Variants in SIGLEC9 observed in about 807,000 individuals in gnomAD.
SIGLEC9 encodes the protein sialic acid binding Ig like lectin 9.
In SIGLEC9, 26 loss-of-function variants were observed where a neutral mutation model predicts 38.3. The ratio of observed to expected loss-of-function variants is 0.68; its 90% CI spans 0.50 to 0.94. The LOEUF is 0.94. Among genes scored for constraint, SIGLEC9 ranks in the 40% least tolerant of loss-of-function variants. The probability of loss-of-function intolerance (pLI) is 0.00; values close to 1 mark genes in which losing one functional copy is unlikely to be tolerated. For missense variants in SIGLEC9, 556 were observed against 585.7 expected, an observed-to-expected ratio of 0.95 and a Z score of 0.52; for synonymous variants, 236 against 248.0, an observed-to-expected ratio of 0.95 and a Z score of 0.45.
chr19:51,129,882 A>G lies in SIGLEC9; in HGVS notation c.1204-9A>G. The G allele has an allele frequency of 6.4e-7, 1 of 1,561,844 alleles. No individual in the cohort carries two copies. The highest frequency in any genetic ancestry group is 8.7e-7 in the Non-Finnish European group (1 of 1,154,662). ...CTGCTCTGACTCACTTCTCTCTCCCATGTCTCAGGGGCCCCTGACTGAACC... is the reference window on the plus strand; with the variant it reads ...CTGCTCTGACTCACTTCTCTCTCCCGTGTCTCAGGGGCCCCTGACTGAACC... On this transcript the variant is annotated splice_polypyrimidine_tract_variant and intron_variant, in intron 6 of 6. Transcript: ENST00000250360.
In SIGLEC9 at chr19:51,126,119, G is replaced by A. The variant is rs911485337; in HGVS notation, c.739G>A (p.Asp247Asn). The A allele has an allele frequency of 6.2e-7, 1 of 1,613,904 alleles. No individual in the cohort carries two copies. The highest frequency in any genetic ancestry group is 1.3e-5 in the African/African-American group (1 of 74,892). ...QNLTMTVFQG[D>N]GTVSTVLGNG... ...CTTGACCATGACTGTCTTCCAAGGA[G>A]ACGGCACAGGTAGGATGGAGCTCCC... Residue 247 changes from aspartate to asparagine, a missense_variant, in exon 3 of 7, where the codon GAC becomes AAC. By Grantham distance (23) the Asp-to-Asn change is conservative. Coordinates refer to ENST00000250360, the MANE Select transcript of SIGLEC9 (RefSeq NM_014441.3).
At chr19:51,127,393 G>T in intron 4 of SIGLEC9, 97 bp downstream of exon 4, 12 of 1,301,934 alleles carry the variant, frequency 9.2e-6, no homozygotes, top group Non-Finnish European at 1.3e-5. Flanking sequence ...GAGGAGCTCC[G>T]CTCTGGTCTG....
At chr19:51,133,460 A>C (rs897600565), downstream of SIGLEC9, among the ~76,000 whole-genome samples, 38 of 151,858 alleles carry the variant, frequency 2.5e-4, 4 homozygotes, top group South Asian at 3.5e-3. Context: ...GTGGCAGGCA[A>C]CTGTAATCCC....
At chr19:51,133,418 CA>C (rs57292401), downstream of SIGLEC9, among the ~76,000 whole-genome samples, 47,898 of 132,002 alleles carry the variant, frequency 0.36, 8,484 homozygotes, top group Admixed American at 0.45. Flanking sequence ...ACCAAAAATA[CA>C]AAAAAAAAAA....
rs1250216430 is a variant in SIGLEC9, at chr19:51,126,133, G to A, written c.748+5G>A. On this transcript the variant is annotated splice_donor_5th_base_variant and intron_variant, in intron 3 of 6. Coordinates refer to ENST00000250360, the MANE Select transcript of SIGLEC9 (RefSeq NM_014441.3). ...TCTTCCAAGGAGACGGCACAGGTAG[G>A]ATGGAGCTCCCTCCCTGGGGCTGGA... 1.9e-6 allele frequency: 3 copies of A among 1,613,800 alleles called. No homozygotes were observed. In the East Asian group the frequency reaches 6.7e-5, roughly 36 times the overall value.
rs912460959 is a variant in SIGLEC9, at chr19:51,127,134, C to G, written c.853C>G (p.Leu285Val). The change falls in exon 4 of 7, where the codon CTG (leucine) becomes GTG (valine). Residue 285 changes from leucine to valine, a missense_variant. Leu to Val is a conservative substitution (Grantham distance 32). Coordinates refer to ENST00000250360, the MANE Select transcript of SIGLEC9 (RefSeq NM_014441.3). ...DAVDSNPPAR[L>V]SLSWRGLTLC... The stretch of plus-strand genomic sequence containing the variant: ...AGTTGACAGCAATCCCCCTGCCAGG[C>G]TGAGCCTGAGCTGGAGAGGCCTGAC... 3 of 1,614,088 alleles carry G rather than the reference C, an allele frequency of 1.9e-6. No individual in the cohort carries two copies. In the African/African-American group the frequency reaches 4.0e-5, roughly 22 times the overall value.
Position 51,128,013 on chromosome 19 carries a change from C to T in SIGLEC9, c.1080C>T (p.Phe360=). 5 of 1,613,980 alleles carry T rather than the reference C, an allele frequency of 3.1e-6. No homozygotes were observed. Among genetic ancestry groups the T allele is most frequent in the African/African-American group, 1.3e-5 (1 of 75,030 alleles). Residue 360 remains phenylalanine (F), a synonymous_variant, in exon 5 of 7, where the codon TTC becomes TTT. Coordinates refer to ENST00000250360, the MANE Select transcript of SIGLEC9 (RefSeq NM_014441.3). Reference sequence around the variant, plus strand: ...GAGCTGGAGCCACAGCCCTGGTCTTCCTGTCCTTCTGCGTCATCTTCGTTG... The same window carrying T: ...GAGCTGGAGCCACAGCCCTGGTCTTTCTGTCCTTCTGCGTCATCTTCGTTG... ...VGGAGATALV[F]LSFCVIFVVV...
rs1414657742 is a variant in SIGLEC9, at chr19:51,125,769, C to T, written c.594C>T (p.Leu198=). 3.7e-6 allele frequency: 6 copies of T among 1,614,088 alleles called. No individual in the cohort carries two copies. The South Asian group carries it at 5.5e-5, about 15-fold the overall frequency. The change falls in exon 2 of 7, where the codon CTC becomes CTT. Residue 198 remains leucine, a synonymous_variant. Coordinates refer to ENST00000250360, the MANE Select transcript of SIGLEC9 (RefSeq NM_014441.3). ...CCTCCACCACCCGCTCCTCGGTGCT[C>T]ACCCTCATCCCACAGCCCCAGGACC... The part of the protein sequence containing the change: ...LDPSTTRSSV[L]TLIPQPQDHG...
At chr19:51,128,699 C>G (rs574899702) in intron 6 of SIGLEC9, 189 bp downstream of exon 6, 1 of 553,666 alleles carries the variant, frequency 1.8e-6, no homozygotes, top group East Asian at 3.2e-5. Context: ...TCTCTGCTCC[C>G]TATCCTGACC....
upstream of SIGLEC9, among the ~76,000 whole-genome samples, chr19:51,121,162 G>A (rs192758094): frequency 0.038 from 5,761 of 150,376 alleles, 358 homozygotes; most frequent in African/African-American, 0.13. Flanking sequence ...GAGTTTTTTT[G>A]TTTTTTGTTT....
intron 4 of SIGLEC9, among the ~76,000 whole-genome samples, 196 bp from the exon 5 acceptor site, chr19:51,127,753 C>T (rs2091988206): frequency 6.6e-6 from 1 of 152,016 alleles, no homozygotes; most frequent in Non-Finnish European, 1.5e-5. Flanking sequence ...AAAAAAACCC[C>T]AAAAGGAATG....
rs187735672 is a variant in SIGLEC9, at chr19:51,136,061, T to C, written c.1303T>C (p.Tyr435His). The C allele has an allele frequency of 2.0e-5, 14 of 703,896 alleles. No individual in the cohort carries two copies. The African/African-American group carries it at 2.3e-4, about 11-fold the overall frequency. 43.6% of individuals were successfully genotyped at this position (703,896 alleles called of 1,614,324 possible). Residue 435 changes from tyrosine (Y) to histidine (H), a missense_variant, in exon 7 of 7, where the codon TAT becomes CAT. Physicochemically the swap from Tyr to His is moderately conservative, Grantham distance 83 (BLOSUM62 2). Coordinates refer to the SIGLEC9 transcript ENST00000440804. ...TTGTTGCCATCCAGATTCTGAATTC[T>C]ATGTCTATCATTTCAGTCATTTCAG... is the stretch of plus-strand genomic sequence containing the variant.
At chr19:51,135,016 G>T (rs544097431), downstream of SIGLEC9, among the ~76,000 whole-genome samples, 3 of 152,280 alleles carry the variant, frequency 2.0e-5, no homozygotes, top group East Asian at 3.9e-4. Flanking sequence ...AGTCTCCTCT[G>T]CGTCTCATGC....
At chr19:51,135,777 C>A (rs1352459404) in intron 6 of SIGLEC9, among the ~76,000 whole-genome samples, 1 of 151,542 alleles carries the variant, frequency 6.6e-6, no homozygotes, top group African/African-American at 2.4e-5. Context: ...TTTTTTAATT[C>A]TTTTTTTAAA....
intron 2 of SIGLEC9, 67 bp downstream of exon 2, chr19:51,125,942 G>A: frequency 6.2e-7 from 1 of 1,604,994 alleles, no homozygotes; most frequent in Non-Finnish European, 8.5e-7. Context: ...ACTGGGTGCT[G>A]GGTCCCGGAA....
At position 51,128,459 on chromosome 19, in the gene SIGLEC9, G is replaced by A. The variant is rs980065374; in HGVS notation, c.1152G>A (p.Val384=). The A allele has an allele frequency of 6.2e-7, 1 of 1,614,152 alleles. No homozygotes were observed. The highest frequency in any genetic ancestry group is 1.3e-5 in the African/African-American group (1 of 75,056). The stretch of plus-strand genomic sequence containing the variant: ...AATCGGCAAGGCCAGCAGCGGGCGT[G>A]GGAGATACGGGCATAGAGGATGCAA... ...RKKSARPAAG[V]GDTGIEDANA... is the part of the protein sequence containing the mutation. Residue 384 remains valine (V), a synonymous_variant, in exon 6 of 7, where the codon GTG becomes GTA. Coordinates refer to ENST00000250360, the MANE Select transcript of SIGLEC9 (RefSeq NM_014441.3).
chr19:51,125,532 G>C (rs545688180), intron 1 of SIGLEC9, 65 bp from the exon 2 acceptor site: 6 of 1,582,754 alleles, frequency 3.8e-6, no homozygotes, highest in Non-Finnish European at 4.3e-6. Flanking sequence ...ACCAGAGCCT[G>C]AGCTCCCCCC....
Position 51,129,899 on chromosome 19 carries a change from G to C in SIGLEC9, c.1212G>C (p.Leu404=). The stretch of plus-strand genomic sequence containing the variant: ...TCTCTCCCATGTCTCAGGGGCCCCT[G>C]ACTGAACCTTGGGCAGAAGACAGTC... The part of the protein sequence containing the change: ...AVRGSASQGP[L]TEPWAEDSPP... The change falls in exon 7 of 7, where the codon CTG becomes CTC. Residue 404 remains leucine (L), a synonymous_variant. Coordinates refer to ENST00000250360, the MANE Select transcript of SIGLEC9 (RefSeq NM_014441.3). The C allele has an allele frequency of 6.3e-7, 1 of 1,590,372 alleles. No homozygotes were observed. Among genetic ancestry groups the C allele is most frequent in the Non-Finnish European group, 8.6e-7 (1 of 1,168,938 alleles).
chr19:51,135,280 A>AT (rs1231326105), downstream of SIGLEC9, among the ~76,000 whole-genome samples: 5 of 151,922 alleles, frequency 3.3e-5, no homozygotes, highest in African/African-American at 9.7e-5. Context: ...GTGGTAATGA[A>AT]TTTTTTTCAG....
Sources: allele counts gnomAD v4.1 joint callset (sites outside exome capture counted in the v4.1 genomes callset), GRCh38; gene constraint gnomAD v4.1.1; transcripts MANE v1.5; gene names NCBI Gene and HGNC (gene_info 2026-07-23, HGNC 2026-07-21).